The following PARD3 variants were observed in gnomAD, a reference collection of about 807,000 sequenced individuals.
The protein encoded by PARD3 is partitioning defective 3 homolog.
PARD3 carries 75 observed loss-of-function variants against 155.4 expected under a neutral mutation model. The ratio of observed to expected loss-of-function variants is 0.48; its 90% CI spans 0.40 to 0.58. PARD3 has a LOEUF of 0.58. PARD3 is among the 20% of genes least tolerant of loss of function. The pLI is 0.00. For missense variants in PARD3, 1,642 were observed against 1,721.7 expected (o/e 0.95, Z 0.82); for synonymous variants, 576 against 610.5 (o/e 0.94, Z 0.83).
chr10:34,261,693 A>AAAGAAAGGAAGAAAGGAAGG (rs1433477279), intron 22 of PARD3, among the ~76,000 whole-genome samples: 11 of 116,172 alleles, frequency 9.5e-5, no homozygotes, highest in Non-Finnish European at 7.9e-5. Flanking sequence ...TGTCTCAAAG[A>AAAGAAAGGAAGAAAGGAAGG]AAGAAAGGAA....
intron 22 of PARD3, among the ~76,000 whole-genome samples, chr10:34,186,618 G>A (rs763781794): frequency 1.3e-5 from 2 of 152,096 alleles, no homozygotes; most frequent in African/African-American, 4.8e-5. Flanking sequence ...ACCATTCCCA[G>A]GGAAGAATGA....
chr10:34,185,888 T>C (rs1326236355), intron 22 of PARD3, among the ~76,000 whole-genome samples: 1 of 150,288 alleles, frequency 6.7e-6, no homozygotes, highest in South Asian at 2.1e-4. Context: ...ACACATTATA[T>C]TGCAGAGTTT....
At chr10:34,355,297 T>C (rs1283034567) in intron 14 of PARD3, among the ~76,000 whole-genome samples, 1 of 151,986 alleles carries the variant, frequency 6.6e-6, no homozygotes, top group Non-Finnish European at 1.5e-5. Context: ...CACTGCACTC[T>C]AGCCTAGGCA....
At chr10:34,810,535 T>C (rs1228319100) in intron 1 of PARD3, among the ~76,000 whole-genome samples, 1 of 152,200 alleles carries the variant, frequency 6.6e-6, no homozygotes, top group African/African-American at 2.4e-5. Flanking sequence ...CAGCTTTTAC[T>C]TCCCCAGCCC....
At chr10:34,553,570 GTA>G (rs1406303996) in intron 2 of PARD3, among the ~76,000 whole-genome samples, 2 of 152,124 alleles carry the variant, frequency 1.3e-5, no homozygotes, top group African/African-American at 4.8e-5. Flanking sequence ...CACATGCAAG[GTA>G]CTGGCATGTT....
At chr10:34,766,486 G>C (rs2134056212) in intron 1 of PARD3, among the ~76,000 whole-genome samples, 1 of 152,158 alleles carries the variant, frequency 6.6e-6, no homozygotes, top group African/African-American at 2.4e-5. Context: ...TTTGCTACTA[G>C]CCCCAAAGCT....
At chr10:34,377,926 T>C (rs758426960) in intron 10 of PARD3, 41 bp downstream of exon 10, 6 of 1,451,126 alleles carry the variant, frequency 4.1e-6, no homozygotes, top group Non-Finnish European at 2.7e-6. Context: ...AAATGGAACA[T>C]TTCAAGAATC....
intron 22 of PARD3, among the ~76,000 whole-genome samples, chr10:34,261,019 T>C (rs1954928510): frequency 6.6e-6 from 1 of 152,176 alleles, no homozygotes; most frequent in Admixed American, 6.5e-5. Flanking sequence ...CATGTGATTA[T>C]GGTATTTATG....
chr10:34,630,108 G>T (rs1333351341), intron 2 of PARD3, among the ~76,000 whole-genome samples: 2 of 152,070 alleles, frequency 1.3e-5, no homozygotes, highest in Non-Finnish European at 2.9e-5. Context: ...TGGAGAAAGT[G>T]ATCTAAAATC....
chr10:34,575,186 A>C (rs1030706036), intron 2 of PARD3, among the ~76,000 whole-genome samples: 8 of 152,174 alleles, frequency 5.3e-5, no homozygotes, highest in African/African-American at 1.9e-4. Flanking sequence ...CAAAATTCTG[A>C]GAATGCACAA....
At chr10:34,213,647 AAAAG>A (rs1951861005) in intron 22 of PARD3, among the ~76,000 whole-genome samples, 1 of 152,184 alleles carries the variant, frequency 6.6e-6, no homozygotes. Flanking sequence ...GTGTAAAGAT[AAAAG>A]AGAGAGGCCT....
At chr10:34,430,664 C>T (rs566179984) in intron 5 of PARD3, among the ~76,000 whole-genome samples, 1 of 152,290 alleles carries the variant, frequency 6.6e-6, no homozygotes, top group African/African-American at 2.4e-5. Flanking sequence ...CAAAGTCACA[C>T]AACTAAAAGA....
At chr10:34,691,851 C>A (rs541913453) in intron 2 of PARD3, among the ~76,000 whole-genome samples, 63 of 152,312 alleles carry the variant, frequency 4.1e-4, no homozygotes, top group African/African-American at 1.2e-3. Flanking sequence ...AGGGAAAGAA[C>A]ACCCCATTCA....
chr10:34,236,644 A>C (rs1953251053), intron 22 of PARD3, among the ~76,000 whole-genome samples: 1 of 152,202 alleles, frequency 6.6e-6, no homozygotes, highest in South Asian at 2.1e-4. Flanking sequence ...GAAGGAACAG[A>C]CCTAGACCCA....
chr10:34,508,108 AACTT>A (rs1434892431), intron 3 of PARD3, among the ~76,000 whole-genome samples: 1 of 152,178 alleles, frequency 6.6e-6, no homozygotes, highest in African/African-American at 2.4e-5. Flanking sequence ...AGGGGGCACT[AACTT>A]AGGTACAAGC....
intron 5 of PARD3, among the ~76,000 whole-genome samples, chr10:34,434,364 C>T (rs1050180783): frequency 5.9e-5 from 9 of 152,204 alleles, no homozygotes; most frequent in Non-Finnish European, 1.2e-4. Flanking sequence ...AAGAGCTTTC[C>T]ATGACTCATC....
chr10:34,567,412 G>C (rs1458763632), intron 2 of PARD3, among the ~76,000 whole-genome samples: 1 of 152,148 alleles, frequency 6.6e-6, no homozygotes, highest in Non-Finnish European at 1.5e-5. Flanking sequence ...ACATATGCAT[G>C]TGTGCTTAAC....
chr10:34,298,544 A>G (rs1262220318), intron 20 of PARD3, among the ~76,000 whole-genome samples: 2 of 152,190 alleles, frequency 1.3e-5, no homozygotes, highest in Non-Finnish European at 2.9e-5. Context: ...CAAGTAGTCA[A>G]ACTCATAGAG....
At chr10:34,565,620 C>T (rs983105986) in intron 2 of PARD3, among the ~76,000 whole-genome samples, 1 of 152,070 alleles carries the variant, frequency 6.6e-6, no homozygotes, top group Non-Finnish European at 1.5e-5. Context: ...ACTTTGTGTT[C>T]CTGGTTCTTA....
Sources: gnomAD v4.1 joint callset for allele counts (sites outside exome capture counted in the v4.1 genomes callset) on GRCh38, gnomAD v4.1.1 for gene constraint, MANE v1.5 for transcripts, NCBI Gene and HGNC (gene_info 2026-07-23, HGNC 2026-07-21) for gene names.